TMEM161B: variants seen among roughly 807,000 people sequenced by gnomAD.
TMEM161B encodes the protein transmembrane protein 161B.
A neutral mutation model predicts 61.8 loss-of-function variants in TMEM161B; 34 were observed. The ratio of observed to expected loss-of-function variants is 0.55; its 90% confidence interval spans 0.42 to 0.73. TMEM161B has a LOEUF of 0.73. Among genes scored for constraint, TMEM161B ranks in the 30% least tolerant of loss-of-function variants. The pLI, the probability that TMEM161B is intolerant of heterozygous loss-of-function variation, is 0.00. For missense variants in TMEM161B, 456 were observed against 558.5 expected, an observed-to-expected ratio of 0.82 and a Z score of 1.85; for synonymous variants, 167 against 192.8, an observed-to-expected ratio of 0.87 and a Z score of 1.11.
chr5:88,255,403 G>T (rs1754849467), intron 1 of TMEM161B, among the ~76,000 whole-genome samples: 1 of 152,118 alleles, frequency 6.6e-6, no homozygotes, highest in Admixed American at 6.5e-5. Flanking sequence ...AAAAATGGGG[G>T]CCTATACTAA....
At chr5:88,225,031 G>A (rs539408571) in intron 4 of TMEM161B, among the ~76,000 whole-genome samples, 8 of 145,414 alleles carry the variant, frequency 5.5e-5, no homozygotes, top group African/African-American at 2.1e-4. Context: ...GCGGTGGTGC[G>A]ATCTCGGCTC....
chr5:88,187,539 T>C (rs770525212), downstream of TMEM161B, among the ~76,000 whole-genome samples: 1 of 152,200 alleles, frequency 6.6e-6, no homozygotes, highest in African/African-American at 2.4e-5. Context: ...CTTATACATG[T>C]TGGTAAAAAG....
intron 1 of TMEM161B, among the ~76,000 whole-genome samples, chr5:88,262,590 T>C (rs1755821095): frequency 6.6e-6 from 1 of 152,144 alleles, no homozygotes; most frequent in Non-Finnish European, 1.5e-5. Context: ...TATTGAGCTA[T>C]GAAAAGACAG....
At chr5:88,266,719 T>C (rs1270126889) in intron 1 of TMEM161B, among the ~76,000 whole-genome samples, 2 of 152,198 alleles carry the variant, frequency 1.3e-5, no homozygotes, top group African/African-American at 2.4e-5. Flanking sequence ...CCTCAATAAA[T>C]TCAGCCCATG....
At chr5:88,214,029 T>C (rs1381667686) in intron 5 of TMEM161B, among the ~76,000 whole-genome samples, 1 of 152,198 alleles carries the variant, frequency 6.6e-6, no homozygotes, top group Non-Finnish European at 1.5e-5. Context: ...GACTAAGTTG[T>C]ACTAGTTTGT....
chr5:88,230,130 G>A (rs1750744752), intron 2 of TMEM161B, among the ~76,000 whole-genome samples: 4 of 152,020 alleles, frequency 2.6e-5, no homozygotes, highest in South Asian at 4.1e-4. Context: ...AGGCTGTAAT[G>A]AGCCATCATT....
At chr5:88,260,608 C>T (rs1462426167) in intron 1 of TMEM161B, among the ~76,000 whole-genome samples, 2 of 152,038 alleles carry the variant, frequency 1.3e-5, no homozygotes, top group Admixed American at 6.6e-5. Context: ...CTTGCCAGCA[C>T]GCCTCACTAA....
chr5:88,213,002 T>C (rs1747118948), intron 5 of TMEM161B, among the ~76,000 whole-genome samples: 1 of 152,240 alleles, frequency 6.6e-6, no homozygotes, highest in Non-Finnish European at 1.5e-5. Flanking sequence ...GTGATTTTTA[T>C]ATAAACTGAG....
rs1756774749 is a variant in TMEM161B at position 88,268,785 on chromosome 5, T to C, written c.-62A>G. ...GTTGCCGGGGCAGTCCCAAACCTCT[T>C]ACCTCCCGGTCCTTGAGCCGAGAGA... On this transcript the variant is annotated 5_prime_UTR_variant, in exon 1 of 12. Transcript: ENST00000296595. The C allele has an allele frequency of 6.8e-6, 11 of 1,612,856 alleles. No individual in the cohort carries two copies. The highest frequency in any genetic ancestry group is 6.6e-5 in the South Asian group (6 of 90,996).
downstream of TMEM161B, chr5:88,189,512 C>A (rs893292714): frequency 6.6e-6 from 1 of 152,530 alleles, no homozygotes; most frequent in Non-Finnish European, 1.5e-5. Flanking sequence ...GTGGTCAGGA[C>A]GACAATCTGG....
At chr5:88,225,372 T>C (rs1749875605) in intron 4 of TMEM161B, among the ~76,000 whole-genome samples, 1 of 152,156 alleles carries the variant, frequency 6.6e-6, no homozygotes, top group Non-Finnish European at 1.5e-5. Context: ...TACTCGATTT[T>C]TCAACTGCAT....
chr5:88,224,974 T>G lies in TMEM161B; in HGVS notation c.289+795A>C, dbSNP rs946891739. Among the ~76,000 whole-genome samples the G allele has an allele frequency of 1.1e-3, 155 of 144,064 alleles. 3 individuals are homozygous for G. Among genetic ancestry groups the G allele is most frequent in the Admixed American group, 2.4e-3 (35 of 14,410 alleles). The allele number at this position is 144,064 out of a possible 152,430, so 94.5% of individuals were successfully genotyped here. A position where few individuals can be genotyped will look rare whatever the true frequency, so the allele number is the denominator to read the frequency against. On this transcript the variant is annotated intron_variant, in intron 4 of 11. Transcript: ENST00000296595. ...CACAAAATATGTTTTTGTTTTTTTT[T>G]TTTTTTTTTTTGAGACGGAGTCTCG...
chr5:88,260,272 T>C (rs927868016), intron 1 of TMEM161B, among the ~76,000 whole-genome samples: 5 of 152,204 alleles, frequency 3.3e-5, no homozygotes, highest in Admixed American at 3.3e-4. Context: ...AGAAACTGAA[T>C]ATTCCTCTCT....
chr5:88,220,615 G>C lies in TMEM161B; in HGVS notation c.394C>G (p.Gln132Glu), dbSNP rs1048813063. ...CAGACTAAGCTGATATTCATTTCCTGTGTAGGCTTCATAAAATTGTAGTAG... is the reference window on the plus strand; with the variant it reads ...CAGACTAAGCTGATATTCATTTCCTCTGTAGGCTTCATAAAATTGTAGTAG... ...EVYYNFMKPT[Q>E]EMNISLVWCL... Residue 132 changes from glutamine to glutamate, a missense_variant, in exon 5 of 12, where the codon CAG becomes GAG. By Grantham distance (29) the Gln-to-Glu change is conservative. Transcript: ENST00000296595. 8.8e-6 allele frequency: 14 copies of C among 1,597,608 alleles called. No homozygotes were observed. Among genetic ancestry groups the C allele is most frequent in the Non-Finnish European group, 9.4e-6 (11 of 1,174,462 alleles).
At chr5:88,215,920 A>G (rs1281483253) in intron 5 of TMEM161B, among the ~76,000 whole-genome samples, 1 of 152,232 alleles carries the variant, frequency 6.6e-6, no homozygotes, top group African/African-American at 2.4e-5. Context: ...GTATTCCCAC[A>G]TATGTGTAAA....
chr5:88,238,895 G>C (rs758390936), intron 2 of TMEM161B, among the ~76,000 whole-genome samples: 2 of 151,730 alleles, frequency 1.3e-5, no homozygotes, highest in Non-Finnish European at 2.9e-5. Flanking sequence ...AAAATTGAGA[G>C]GAAATGAAAC....
At position 88,228,469 on chromosome 5, in the gene TMEM161B, T is replaced by C. The variant is rs375425432; in HGVS notation, c.167A>G (p.Gln56Arg). 8.7e-6 allele frequency: 14 copies of C among 1,609,064 alleles called. No homozygotes were observed. In the Admixed American group the frequency reaches 1.0e-4, roughly 12 times the overall value. Residue 56 changes from glutamine to arginine, a missense_variant, in exon 3 of 12, where the codon CAA becomes CGA. Gln to Arg is a conservative substitution (Grantham distance 43). Transcript: ENST00000296595. ...EELRILAGKQ[Q>R]KGKTKKDRKY... ...CCTATCTTTTTTGGTTTTCCCTTTT[T>C]GTTGTTTCCCTGCAAGAATTCTTAA...
intron 5 of TMEM161B, among the ~76,000 whole-genome samples, chr5:88,211,768 CAAAAAA>C (rs61376905): frequency 8.6e-6 from 1 of 116,560 alleles, no homozygotes. Flanking sequence ...GAACTCCATC[CAAAAAA>C]AAAAAAAAAA....
intron 8 of TMEM161B, 121 bp downstream of exon 8, chr5:88,205,693 T>C: frequency 9.0e-7 from 1 of 1,106,438 alleles, no homozygotes; most frequent in Non-Finnish European, 1.3e-6. Context: ...GGAAGTAGTG[T>C]GACATCAAAT....
Sources: allele counts gnomAD v4.1 joint callset (sites outside exome capture counted in the v4.1 genomes callset), GRCh38; gene constraint gnomAD v4.1.1; transcripts MANE v1.5; gene names NCBI Gene and HGNC (gene_info 2026-07-23, HGNC 2026-07-21).